The following FKTN variants were observed in gnomAD, a reference collection of about 807,000 sequenced individuals.
FKTN encodes the protein ribitol-5-phosphate transferase FKTN.
FKTN carries 47 observed loss-of-function variants against 58.6 expected under a neutral mutation model. That is an observed-to-expected ratio of 0.80 (90% CI 0.63 to 1.02). FKTN has a LOEUF of 1.02. Ranked by LOEUF, FKTN falls within the 50% of genes least tolerant of loss-of-function variation. The pLI is 0.00. For synonymous variants in FKTN, 178 were observed against 191.9 expected, an observed-to-expected ratio of 0.93 and a Z score of 0.60; for missense variants, 516 against 537.3, an observed-to-expected ratio of 0.96 and a Z score of 0.39.
chr9:105,616,002 G>A (rs962735493), intron 8 of FKTN, among the ~76,000 whole-genome samples: 2 of 152,192 alleles, frequency 1.3e-5, no homozygotes, highest in African/African-American at 4.8e-5. Context: ...TGTAGGCATT[G>A]TGATGTAGTG....
At position 105,615,164 on chromosome 9, in the gene FKTN, G is replaced by A. The variant is rs565907210; in HGVS notation, c.781-114G>A. On this transcript the variant is annotated intron_variant, in intron 7 of 10. Coordinates refer to ENST00000357998, the MANE Select transcript of FKTN (RefSeq NM_001079802.2). ...TTCCCAAAGTTCTGGGGTTACAGGC[G>A]TGAGCCACTGTGCCCAGCCTGGGGT... The A allele has an allele frequency of 2.9e-5, 33 of 1,141,408 alleles. No individual in the cohort carries two copies. In the East Asian group the frequency reaches 3.8e-4, roughly 13 times the overall value. 70.7% of individuals were successfully genotyped at this position (1,141,408 alleles called of 1,614,324 possible).
At chr9:105,562,552 T>C (rs1838497593) in intron 1 of FKTN, among the ~76,000 whole-genome samples, 1 of 152,214 alleles carries the variant, frequency 6.6e-6, no homozygotes, top group Admixed American at 6.5e-5. Flanking sequence ...AGACTGGTTA[T>C]CATTTAACTA....
At position 105,638,591 on chromosome 9, in the gene FKTN, C is replaced by T. The variant is rs551416304; in HGVS notation, c.*3327C>T. The T allele has an allele frequency of 2.3e-5, 23 of 985,308 alleles. 1 individual carries two copies. The highest frequency in any genetic ancestry group is 2.3e-4 in the African/African-American group (13 of 57,336). 61.0% of individuals were successfully genotyped at this position (985,308 alleles called of 1,614,324 possible). On this transcript the variant is annotated 3_prime_UTR_variant, in exon 11 of 11. Coordinates refer to ENST00000357998, the MANE Select transcript of FKTN (RefSeq NM_001079802.2). ...CTTCCTGAAGTGACCTTTTATGAGG[C>T]TCTTTCCTTCCTAAGGGACCTTTCC...
intron 10 of FKTN, among the ~76,000 whole-genome samples, chr9:105,624,635 A>G (rs1023921492): frequency 6.6e-6 from 1 of 151,018 alleles, no homozygotes; most frequent in Non-Finnish European, 1.5e-5. Context: ...AAAAAAAAAA[A>G]AAAAAAGAAA....
chr9:105,634,244 G>A lies in FKTN; in HGVS notation c.1173-807G>A, dbSNP rs1398386043. On this transcript the variant is annotated intron_variant, in intron 10 of 10. Coordinates refer to ENST00000357998, the MANE Select transcript of FKTN (RefSeq NM_001079802.2). ...CCTCCAGGGTTCAAGTGATTCTCCTGCCTCAGCCTCCTGAGTAGCTGGGAC... is the reference window on the plus strand; with the variant it reads ...CCTCCAGGGTTCAAGTGATTCTCCTACCTCAGCCTCCTGAGTAGCTGGGAC... 3.3e-5 allele frequency among the ~76,000 whole-genome samples: 5 copies of A among 151,980 alleles called. No homozygotes were observed. The East Asian group carries it at 7.8e-4, about 24-fold the overall frequency.
At chr9:105,594,316 A>G (rs1021720069) in intron 3 of FKTN, among the ~76,000 whole-genome samples, 1 of 152,200 alleles carries the variant, frequency 6.6e-6, no homozygotes, top group African/African-American at 2.4e-5. Context: ...ATAGAAAGCA[A>G]TGCCATAAGT....
chr9:105,617,711 A>G (rs1831068258), intron 8 of FKTN, among the ~76,000 whole-genome samples: 1 of 152,154 alleles, frequency 6.6e-6, no homozygotes, highest in Non-Finnish European at 1.5e-5. Context: ...AATTTTTAAA[A>G]ATAATTTTGG....
intron 3 of FKTN, among the ~76,000 whole-genome samples, chr9:105,581,511 G>A (rs1312455728): frequency 7.9e-5 from 12 of 151,242 alleles, no homozygotes; most frequent in Non-Finnish European, 2.9e-5. Context: ...ACTTGAGGAG[G>A]CAGTCTGCCG....
intron 1 of FKTN, among the ~76,000 whole-genome samples, chr9:105,566,435 G>C (rs144487371): frequency 0.021 from 3,163 of 151,748 alleles, 110 homozygotes; most frequent in African/African-American, 0.073. Context: ...AGAGAAGAAT[G>C]AAATAGACGC....
At chr9:105,599,087 T>C (rs1026879960) in intron 4 of FKTN, among the ~76,000 whole-genome samples, 2 of 152,164 alleles carry the variant, frequency 1.3e-5, no homozygotes, top group African/African-American at 4.8e-5. Flanking sequence ...GTATCAAAGA[T>C]ATATGAAGAA....
At chr9:105,602,689 G>A (rs1828107035) in intron 5 of FKTN, among the ~76,000 whole-genome samples, 1 of 152,130 alleles carries the variant, frequency 6.6e-6, no homozygotes, top group Admixed American at 6.5e-5. Flanking sequence ...CTGAGTAGCT[G>A]GGATTACAGG....
In FKTN at chr9:105,639,151, A is replaced by T; in HGVS notation, c.*3887A>T. ...GCCACATTCCCACCTTCTAACAGGT[A>T]ATTATTAGTTGTAATAGCTTTAATG... On this transcript the variant is annotated 3_prime_UTR_variant, in exon 11 of 11. Transcript: ENST00000357998. 1 of 985,314 alleles carries T rather than the reference A, an allele frequency of 1.0e-6. No homozygotes were observed. Among genetic ancestry groups the T allele is most frequent in the Non-Finnish European group, 1.2e-6 (1 of 829,828 alleles). 61.0% of individuals were successfully genotyped at this position (985,314 alleles called of 1,614,324 possible). A position where few individuals can be genotyped will look rare whatever the true frequency, so the allele number is the denominator to read the frequency against.
rs972870905 is a variant in FKTN, at chr9:105,637,093, T to C, written c.*1829T>C. On this transcript the variant is annotated 3_prime_UTR_variant, in exon 11 of 11. Coordinates refer to ENST00000357998, the MANE Select transcript of FKTN (RefSeq NM_001079802.2). Reference sequence around the variant, plus strand: ...TTCCCAAATTCTAAATAGCTGACCCTAAATTCATTTTTCATGCTTAAAAAT... The same window carrying C: ...TTCCCAAATTCTAAATAGCTGACCCCAAATTCATTTTTCATGCTTAAAAAT... 3 of 986,260 alleles carry C rather than the reference T, an allele frequency of 3.0e-6. No individual in the cohort carries two copies. The highest frequency in any genetic ancestry group is 3.6e-6 in the Non-Finnish European group (3 of 829,668). 61.1% of individuals were successfully genotyped at this position (986,260 alleles called of 1,614,324 possible).
intron 1 of FKTN, among the ~76,000 whole-genome samples, chr9:105,566,966 C>A (rs1194091937): frequency 1.3e-5 from 2 of 152,144 alleles, no homozygotes; most frequent in Non-Finnish European, 2.9e-5. Flanking sequence ...TGGGCTTCAT[C>A]CCCAGGATGC....
At chr9:105,560,392 A>G (rs922032468) in intron 1 of FKTN, among the ~76,000 whole-genome samples, 3 of 152,224 alleles carry the variant, frequency 2.0e-5, no homozygotes, top group African/African-American at 7.2e-5. Flanking sequence ...TTAGGACCAT[A>G]CTTTTAAGTG....
chr9:105,610,062 A>G (rs929528596), intron 7 of FKTN, among the ~76,000 whole-genome samples: 1 of 151,028 alleles, frequency 6.6e-6, no homozygotes, highest in Non-Finnish European at 1.5e-5. Context: ...AGATTGTTCC[A>G]TATTTGGCCA....
intron 8 of FKTN, among the ~76,000 whole-genome samples, chr9:105,617,108 T>G (rs547445495): frequency 6.2e-4 from 95 of 152,350 alleles, no homozygotes; most frequent in African/African-American, 2.2e-3. Flanking sequence ...TAATTGTTTA[T>G]AATTCTTTAA....
intron 1 of FKTN, among the ~76,000 whole-genome samples, chr9:105,559,075 T>C (rs1483107558): frequency 1.3e-5 from 2 of 152,212 alleles, no homozygotes; most frequent in Admixed American, 1.3e-4. Flanking sequence ...TTCTTGGATC[T>C]GGGTGATGAT....
chr9:105,629,345 G>A (rs1210486699), intron 10 of FKTN, among the ~76,000 whole-genome samples: 1 of 152,210 alleles, frequency 6.6e-6, no homozygotes, highest in African/African-American at 2.4e-5. Flanking sequence ...TTTGGTCAGG[G>A]CAGACCTAAT....
Sources: gnomAD v4.1 joint callset for allele counts (sites outside exome capture counted in the v4.1 genomes callset) on GRCh38, gnomAD v4.1.1 for gene constraint, MANE v1.5 for transcripts, NCBI Gene and HGNC (gene_info 2026-07-23, HGNC 2026-07-21) for gene names.